Variants in TBC1D19 observed in about 807,000 individuals in gnomAD.
TBC1D19 encodes TBC1 domain family member 19, also known as TBC1 domain family, member 19.
A neutral mutation model predicts 89.0 loss-of-function variants in TBC1D19; 60 were observed. The observed-to-expected ratio is 0.67, with a 90% CI of 0.55 to 0.84. The LOEUF is 0.84. Ranked by LOEUF, TBC1D19 falls within the 40% of genes least tolerant of loss-of-function variation. The probability of loss-of-function intolerance (pLI) is 0.00; values close to 1 mark genes in which losing one functional copy is unlikely to be tolerated. For missense variants in TBC1D19, 500 were observed against 610.8 expected (o/e 0.82, Z 1.91); for synonymous variants, 189 against 199.7 (o/e 0.95, Z 0.45).
chr4:26,589,200 G>T (rs532524493), intron 1 of TBC1D19, among the ~76,000 whole-genome samples: 70 of 152,132 alleles, frequency 4.6e-4, no homozygotes, highest in Non-Finnish European at 5.6e-4. Context: ...GCTTGAACCC[G>T]GGAGGTGGAG....
intron 13 of TBC1D19, among the ~76,000 whole-genome samples, chr4:26,699,411 G>A (rs2109202915): frequency 6.6e-6 from 1 of 152,304 alleles, no homozygotes; most frequent in South Asian, 2.1e-4. Flanking sequence ...TTACACTGTT[G>A]GTGGGACTGT....
chr4:26,643,901 A>G (rs1408530271), intron 7 of TBC1D19, among the ~76,000 whole-genome samples: 6 of 152,228 alleles, frequency 3.9e-5, no homozygotes, highest in Non-Finnish European at 8.8e-5. Context: ...GAATAGGCCA[A>G]TAACAGGCTC....
intron 19 of TBC1D19, among the ~76,000 whole-genome samples, chr4:26,751,147 C>A (rs1216454638): frequency 6.6e-6 from 1 of 152,086 alleles, no homozygotes; most frequent in African/African-American, 2.4e-5. Context: ...AAGGGCTGGG[C>A]AAACCAAACA....
the TBC1D19 span, among the ~76,000 whole-genome samples, chr4:26,803,897 A>G: frequency 1.3e-5 from 2 of 149,058 alleles, no homozygotes; most frequent in Admixed American, 1.3e-4. Flanking sequence ...ATATCTTGGT[A>G]AACTGCAGCA....
the TBC1D19 span, among the ~76,000 whole-genome samples, chr4:26,822,615 A>T: frequency 1.3e-5 from 2 of 152,100 alleles, no homozygotes; most frequent in Non-Finnish European, 2.9e-5. Flanking sequence ...TAATGCTATG[A>T]TTGTTTCGAC....
intron 7 of TBC1D19, among the ~76,000 whole-genome samples, chr4:26,651,774 C>T (rs1744405747): frequency 1.3e-5 from 2 of 152,108 alleles, no homozygotes; most frequent in Non-Finnish European, 2.9e-5. Flanking sequence ...TGAGAGAGGG[C>T]ATCCCTCTCT....
At chr4:26,698,224 A>C (rs1714988171) in intron 13 of TBC1D19, among the ~76,000 whole-genome samples, 1 of 152,094 alleles carries the variant, frequency 6.6e-6, no homozygotes, top group South Asian at 2.1e-4. Flanking sequence ...AATAGCAGAC[A>C]AACAGAGACC....
the TBC1D19 span, among the ~76,000 whole-genome samples, chr4:26,836,001 C>CTCTCTCTCTCTT: frequency 4.6e-5 from 7 of 151,312 alleles, no homozygotes; most frequent in African/African-American, 1.7e-4. Flanking sequence ...CTCTCTCTCT[C>CTCTCTCTCTCTT]TCTCTATCAC....
At chr4:26,848,639 C>T in the TBC1D19 span, among the ~76,000 whole-genome samples, 7 of 152,274 alleles carry the variant, frequency 4.6e-5, no homozygotes, top group African/African-American at 1.7e-4. Flanking sequence ...AGCTCCCTGG[C>T]AGCCAAAAAA....
At chr4:26,700,359 CA>C (rs1715216206) in intron 13 of TBC1D19, among the ~76,000 whole-genome samples, 1 of 152,164 alleles carries the variant, frequency 6.6e-6, no homozygotes, top group East Asian at 1.9e-4. Context: ...GAAACTATCT[CA>C]AAAGTGCTGA....
At chr4:26,700,389 T>A (rs1715217617) in intron 13 of TBC1D19, among the ~76,000 whole-genome samples, 1 of 152,040 alleles carries the variant, frequency 6.6e-6, no homozygotes, top group African/African-American at 2.4e-5. Context: ...TTGAATGGCA[T>A]TTTTTTTCTT....
chr4:26,614,355 G>A, intron 2 of TBC1D19, 53 bp from the exon 3 acceptor site: 1 of 1,257,066 alleles, frequency 8.0e-7, no homozygotes, highest in South Asian at 1.4e-5. Context: ...TGTAATGTAT[G>A]TTTACTTAAA....
the TBC1D19 span, among the ~76,000 whole-genome samples, chr4:26,849,162 C>T: frequency 1.3e-5 from 2 of 150,528 alleles, no homozygotes; most frequent in Admixed American, 1.3e-4. Context: ...GATGACAGAG[C>T]AAGACTTTGT....
intron 1 of TBC1D19, among the ~76,000 whole-genome samples, chr4:26,593,177 T>C (rs1442847759): frequency 6.6e-6 from 1 of 152,092 alleles, no homozygotes; most frequent in East Asian, 1.9e-4. Context: ...GCCTCAGAAA[T>C]AATGCCACAT....
chr4:26,639,917 T>G (rs1010959032), intron 6 of TBC1D19, among the ~76,000 whole-genome samples: 1 of 152,212 alleles, frequency 6.6e-6, no homozygotes, highest in Non-Finnish European at 1.5e-5. Flanking sequence ...AATTTGTGAA[T>G]AGGATGCTCT....
upstream of TBC1D19, among the ~76,000 whole-genome samples, chr4:26,582,966 G>A (rs184889496): frequency 7.2e-5 from 11 of 152,190 alleles, no homozygotes; most frequent in South Asian, 4.1e-4. Context: ...TAATTTCTTG[G>A]ACTTGTCAGA....
At chr4:26,668,240 GT>G (rs1250811276) in intron 9 of TBC1D19, among the ~76,000 whole-genome samples, 1 of 151,944 alleles carries the variant, frequency 6.6e-6, no homozygotes, top group Non-Finnish European at 1.5e-5. Context: ...AAAGGAAGTA[GT>G]AACACAGCCT....
chr4:26,799,092 T>C, the TBC1D19 span, among the ~76,000 whole-genome samples: 3 of 152,154 alleles, frequency 2.0e-5, no homozygotes, highest in African/African-American at 4.8e-5. Flanking sequence ...AGGTATTAAG[T>C]AGAGATGCTA....
At chr4:26,835,141 G>A in the TBC1D19 span, among the ~76,000 whole-genome samples, 1 of 152,220 alleles carries the variant, frequency 6.6e-6, no homozygotes, top group South Asian at 2.1e-4. Flanking sequence ...GATTATGTGA[G>A]TGAATCCAAT....
Sources: allele counts gnomAD v4.1 joint callset (sites outside exome capture counted in the v4.1 genomes callset), GRCh38; gene constraint gnomAD v4.1.1; transcripts MANE v1.5; gene names NCBI Gene and HGNC (gene_info 2026-07-23, HGNC 2026-07-21).